The following SLMAP variants were observed in gnomAD, a reference collection of about 807,000 sequenced individuals.
SLMAP encodes sarcolemma associated protein.
In SLMAP, 44 loss-of-function variants were observed where a neutral mutation model predicts 128.8. That is an observed-to-expected ratio of 0.34 (90% CI 0.27 to 0.44). The LOEUF is 0.44. SLMAP is among the 20% of genes least tolerant of loss of function. SLMAP has a pLI of 1.00. For synonymous variants in SLMAP, 327 were observed against 348.8 expected (o/e 0.94, Z 0.70); for missense variants, 787 against 985.3 (o/e 0.80, Z 2.69).
At chr3:57,806,221 C>A (rs1265917737) in intron 2 of SLMAP, among the ~76,000 whole-genome samples, 1 of 152,030 alleles carries the variant, frequency 6.6e-6, no homozygotes. Context: ...CCCTGCCCCC[C>A]AACTGGCCCT....
chr3:57,861,009 T>C (rs1358622584), intron 9 of SLMAP, among the ~76,000 whole-genome samples, 170 bp downstream of exon 9: 1 of 152,222 alleles, frequency 6.6e-6, no homozygotes, highest in East Asian at 1.9e-4. Flanking sequence ...ATTCTCCATG[T>C]GAGTTTTGGT....
At position 57,808,775 on chromosome 3, in the gene SLMAP, A is replaced by T. The variant is rs138389055; in HGVS notation, c.199-22608A>T. On this transcript the variant is annotated intron_variant, in intron 2 of 24. Coordinates refer to ENST00000671191, the MANE Select transcript of SLMAP (RefSeq NM_001377540.1). Reference sequence around the variant, plus strand: ...AGTTCTATAGAAGTCTATTAGGTCCACTTGATCCATAACTGAGCTCAAGTC... The same window carrying T: ...AGTTCTATAGAAGTCTATTAGGTCCTCTTGATCCATAACTGAGCTCAAGTC... 2.0e-3 allele frequency among the ~76,000 whole-genome samples: 302 copies of T among 152,298 alleles called. 4 individuals are homozygous for T. The Middle Eastern group carries it at 0.031, about 15-fold the overall frequency.
At chr3:57,784,036 T>C (rs374737508) in intron 2 of SLMAP, among the ~76,000 whole-genome samples, 9 of 152,134 alleles carry the variant, frequency 5.9e-5, no homozygotes, top group African/African-American at 2.2e-4. Context: ...TCAAGAACCA[T>C]GGGGCCATGG....
chr3:57,891,905 G>A (rs191475927), intron 15 of SLMAP, among the ~76,000 whole-genome samples: 1 of 151,874 alleles, frequency 6.6e-6, no homozygotes, highest in South Asian at 2.1e-4. Flanking sequence ...GAACAAATTG[G>A]ACTAATGAGC....
chr3:57,885,986 G>C (rs1226263196), intron 14 of SLMAP, among the ~76,000 whole-genome samples: 1 of 150,362 alleles, frequency 6.7e-6, no homozygotes, highest in East Asian at 2.0e-4. Flanking sequence ...GTTTCACCAT[G>C]TTGGTCAGGC....
rs938744927 is a variant in SLMAP, at chr3:57,776,553, T to C, written c.198+18704T>C. 6.6e-5 allele frequency among the ~76,000 whole-genome samples: 9 copies of C among 136,788 alleles called. 1 individual carries two copies. The East Asian group carries it at 1.7e-3, about 25-fold the overall frequency. The allele number at this position is 136,788 out of a possible 152,430, so 89.7% of individuals were successfully genotyped here. ...TTTTTTTTTTTTTTTTGAGATAGAG[T>C]TTCGCTCTTGTTGCCCAGGCTGGAG... On this transcript the variant is annotated intron_variant, in intron 2 of 24. Coordinates refer to ENST00000671191, the MANE Select transcript of SLMAP (RefSeq NM_001377540.1).
At chr3:57,852,040 A>G (rs2094525226) in intron 6 of SLMAP, among the ~76,000 whole-genome samples, 1 of 152,018 alleles carries the variant, frequency 6.6e-6, no homozygotes, top group South Asian at 2.1e-4. Context: ...CCTCCTGAGT[A>G]GCTGGGACTA....
At chr3:57,845,300 G>A (rs149814561) in intron 4 of SLMAP, among the ~76,000 whole-genome samples, 22 of 152,302 alleles carry the variant, frequency 1.4e-4, no homozygotes, top group African/African-American at 4.6e-4. Flanking sequence ...AAGAAGGACA[G>A]TAAAGTTTAT....
intron 23 of SLMAP, among the ~76,000 whole-genome samples, chr3:57,924,942 T>TG (rs2096976864): frequency 6.6e-6 from 1 of 150,522 alleles, no homozygotes; most frequent in African/African-American, 2.5e-5. Flanking sequence ...CAGTGTTTTT[T>TG]GTTTTTTGTT....
chr3:57,913,109 A>C, intron 20 of SLMAP, 49 bp from the exon 21 acceptor site: 1 of 896,554 alleles, frequency 1.1e-6, no homozygotes, highest in Non-Finnish European at 1.8e-6. Context: ...TTGAAGTATT[A>C]TGGAAGTTAT....
chr3:57,868,397 G>A (rs1386704334), intron 13 of SLMAP, among the ~76,000 whole-genome samples: 1 of 151,920 alleles, frequency 6.6e-6, no homozygotes, highest in African/African-American at 2.4e-5. Context: ...GGGCAACATA[G>A]TGAGACCCCA....
At chr3:57,797,911 T>C (rs2087157389) in intron 2 of SLMAP, among the ~76,000 whole-genome samples, 1 of 152,186 alleles carries the variant, frequency 6.6e-6, no homozygotes, top group Admixed American at 6.5e-5. Context: ...GTCACTGCAA[T>C]GGGTTCATAT....
At chr3:57,770,000 G>A (rs1344834928) in intron 2 of SLMAP, among the ~76,000 whole-genome samples, 2 of 152,126 alleles carry the variant, frequency 1.3e-5, no homozygotes, top group Non-Finnish European at 2.9e-5. Flanking sequence ...TACTTACCAA[G>A]GAATCTTTGA....
intron 22 of SLMAP, 42 bp from the exon 23 acceptor site, chr3:57,922,847 T>C: frequency 1.3e-6 from 2 of 1,590,846 alleles, no homozygotes; most frequent in Non-Finnish European, 1.7e-6. Flanking sequence ...ATCATACCCA[T>C]TTTAAGTTGT....
At chr3:57,880,942 G>A (rs1452736555) in intron 14 of SLMAP, among the ~76,000 whole-genome samples, 5 of 151,976 alleles carry the variant, frequency 3.3e-5, no homozygotes, top group Admixed American at 1.3e-4. Context: ...CTGTAACCCC[G>A]GCACTTTCGG....
chr3:57,892,457 A>G (rs1176677355), intron 15 of SLMAP, among the ~76,000 whole-genome samples: 1 of 151,748 alleles, frequency 6.6e-6, no homozygotes, highest in African/African-American at 2.4e-5. Flanking sequence ...AGATAATTCT[A>G]CCACTAACTA....
chr3:57,810,205 C>G (rs1053791000), intron 2 of SLMAP, among the ~76,000 whole-genome samples: 1 of 152,190 alleles, frequency 6.6e-6, no homozygotes, highest in South Asian at 2.1e-4. Flanking sequence ...CATGCTGGCA[C>G]CTGGAGCTGC....
intron 2 of SLMAP, among the ~76,000 whole-genome samples, chr3:57,799,387 T>A (rs266843): frequency 0.16 from 24,013 of 152,158 alleles, 2,439 homozygotes; most frequent in East Asian, 0.43. Context: ...TAGGATGTTG[T>A]TTGCCTAAGG....
At chr3:57,868,859 TTA>T (rs201706823) in intron 13 of SLMAP, among the ~76,000 whole-genome samples, 4,825 of 138,544 alleles carry the variant, frequency 0.035, 320 homozygotes, top group African/African-American at 0.12. Context: ...AAAATATATA[TTA>T]TATATGTGTG....
Sources: gnomAD v4.1 joint callset for allele counts (sites outside exome capture counted in the v4.1 genomes callset) on GRCh38, gnomAD v4.1.1 for gene constraint, MANE v1.5 for transcripts, NCBI Gene and HGNC (gene_info 2026-07-23, HGNC 2026-07-21) for gene names.